The following PTPRD variants were observed in gnomAD, a reference collection of about 807,000 sequenced individuals.
PTPRD encodes the protein receptor-type tyrosine-protein phosphatase delta.
Under a neutral mutation model 214.5 loss-of-function variants are expected in PTPRD, and 34 were observed. The observed-to-expected ratio is 0.16, with a 90% CI of 0.12 to 0.21. The LOEUF (loss-of-function observed/expected upper bound fraction) is 0.21, where lower values mean the gene tolerates loss of function less well. PTPRD is among the 10% of genes least tolerant of loss of function. PTPRD has a pLI of 1.00. For synonymous variants in PTPRD, 1,128 were observed against 845.7 expected (o/e 1.33, Z -5.79); for missense variants, 2,545 against 2,398.7 (o/e 1.06, Z -1.27).
chr9:9,879,553 G>T (rs943538954), intron 5 of PTPRD, among the ~76,000 whole-genome samples: 2 of 152,194 alleles, frequency 1.3e-5, no homozygotes, highest in Admixed American at 1.3e-4. Context: ...ATTGAAGCTT[G>T]CAAGTATTTG....
At chr9:10,144,732 T>A (rs2154270337) in intron 3 of PTPRD, among the ~76,000 whole-genome samples, 1 of 152,220 alleles carries the variant, frequency 6.6e-6, no homozygotes, top group South Asian at 2.1e-4. Context: ...CTAAGGAGCC[T>A]CTATATGGCT....
intron 10 of PTPRD, among the ~76,000 whole-genome samples, chr9:9,140,724 G>A (rs551959282): frequency 3.9e-5 from 6 of 152,178 alleles, no homozygotes; most frequent in Admixed American, 2.0e-4. Flanking sequence ...GACTACAGGT[G>A]CCCGCCACCA....
chr9:10,569,103 G>A (rs893081920), intron 2 of PTPRD, among the ~76,000 whole-genome samples: 1 of 152,020 alleles, frequency 6.6e-6, no homozygotes, highest in African/African-American at 2.4e-5. Flanking sequence ...ATCAAAAAAT[G>A]GGCGAAGGAT....
At chr9:9,485,477 A>C (rs1569568717) in intron 8 of PTPRD, among the ~76,000 whole-genome samples, 1 of 152,104 alleles carries the variant, frequency 6.6e-6, no homozygotes, top group African/African-American at 2.4e-5. Context: ...CTCATTTTCA[A>C]TCTTTCTTCT....
rs555526443 is a variant in PTPRD, at chr9:9,325,221, C to T, written c.-203+72228G>A. On this transcript the variant is annotated intron_variant, in intron 9 of 45. Transcript: ENST00000381196. The stretch of plus-strand genomic sequence containing the variant: ...AACTTTAAAGTAGTTTTCTCCAATT[C>T]TGTGAAGAAAGTCCTTGGTAGCTTG... Among the ~76,000 whole-genome samples the T allele has an allele frequency of 1.5e-3, 230 of 152,286 alleles. 1 individual carries two copies. Among genetic ancestry groups the T allele is most frequent in the African/African-American group, 5.2e-3 (218 of 41,576 alleles).
chr9:9,647,321 T>A (rs573579271), intron 7 of PTPRD, among the ~76,000 whole-genome samples: 1 of 152,330 alleles, frequency 6.6e-6, no homozygotes, highest in East Asian at 1.9e-4. Context: ...ATCTAAATAA[T>A]TTTGTATCTG....
chr9:9,283,437 C>G lies in PTPRD; in HGVS notation c.-202-100074G>C, dbSNP rs544493831. ...CTTTACAGGTTCAATTATATCTTCTCATTTCTTTTCTCTTTCAGGCACAGC... is the reference window on the plus strand; with the variant it reads ...CTTTACAGGTTCAATTATATCTTCTGATTTCTTTTCTCTTTCAGGCACAGC... On this transcript the variant is annotated intron_variant, in intron 9 of 45. Coordinates refer to ENST00000381196, the MANE Select transcript of PTPRD (RefSeq NM_002839.4). Among the ~76,000 whole-genome samples, 18 of 150,940 alleles carry G rather than the reference C, an allele frequency of 1.2e-4. 1 individual carries two copies. Among genetic ancestry groups the G allele is most frequent in the African/African-American group, 4.4e-4 (18 of 41,230 alleles).
intron 5 of PTPRD, among the ~76,000 whole-genome samples, chr9:9,844,636 G>C (rs1017036219): frequency 9.2e-5 from 14 of 151,822 alleles, no homozygotes; most frequent in Admixed American, 9.2e-4. Context: ...TCATAACTAC[G>C]ACAAATTACA....
chr9:9,715,139 T>G (rs1424036494), intron 7 of PTPRD, among the ~76,000 whole-genome samples: 1 of 152,196 alleles, frequency 6.6e-6, no homozygotes, highest in Non-Finnish European at 1.5e-5. Context: ...TTTATGTCAC[T>G]GGACTTCACA....
At chr9:8,407,767 C>T (rs1472772811) in intron 35 of PTPRD, among the ~76,000 whole-genome samples, 1 of 152,256 alleles carries the variant, frequency 6.6e-6, no homozygotes, top group Non-Finnish European at 1.5e-5. Flanking sequence ...ATCAAACAAA[C>T]ATTGATTAAA....
intron 2 of PTPRD, among the ~76,000 whole-genome samples, chr9:10,501,069 T>A (rs2043539578): frequency 6.6e-6 from 1 of 152,006 alleles, no homozygotes; most frequent in African/African-American, 2.4e-5. Context: ...GTGGGGTTGC[T>A]GTATCTTATG....
chr9:10,330,700 T>C (rs1429387931), intron 3 of PTPRD, among the ~76,000 whole-genome samples: 1 of 151,806 alleles, frequency 6.6e-6, no homozygotes, highest in African/African-American at 2.4e-5. Context: ...GTGGTAGTAA[T>C]GTTTACTCTC....
chr9:9,684,356 G>T (rs1466116957), intron 7 of PTPRD, among the ~76,000 whole-genome samples: 1 of 151,380 alleles, frequency 6.6e-6, no homozygotes, highest in Non-Finnish European at 1.5e-5. Context: ...ATCAATGTTG[G>T]GTGCATTTTC....
intron 39 of PTPRD, among the ~76,000 whole-genome samples, chr9:8,346,383 A>T (rs142537409): frequency 6.6e-6 from 1 of 152,156 alleles, no homozygotes; most frequent in East Asian, 1.9e-4. Flanking sequence ...TGAAAACATC[A>T]TATAGAGTAG....
intron 33 of PTPRD, among the ~76,000 whole-genome samples, chr9:8,455,472 T>G (rs1027384726): frequency 2.0e-5 from 3 of 152,214 alleles, no homozygotes; most frequent in Non-Finnish European, 4.4e-5. Flanking sequence ...ATCTTCACTT[T>G]GAGGCAAATT....
intron 9 of PTPRD, among the ~76,000 whole-genome samples, chr9:9,327,896 T>C (rs987683912): frequency 8.1e-6 from 1 of 123,506 alleles, no homozygotes; most frequent in Non-Finnish European, 1.7e-5. Context: ...TAACGATAGT[T>C]GATGAGCTAA....
chr9:10,425,959 A>G (rs1318979763), intron 2 of PTPRD, among the ~76,000 whole-genome samples: 5 of 151,982 alleles, frequency 3.3e-5, no homozygotes, highest in Admixed American at 1.3e-4. Context: ...AAGAATATAT[A>G]CATATACACA....
chr9:9,301,787 G>T (rs1408698053), intron 9 of PTPRD, among the ~76,000 whole-genome samples: 1 of 151,822 alleles, frequency 6.6e-6, no homozygotes, highest in Non-Finnish European at 1.5e-5. Context: ...TTGCTGTAAT[G>T]GGTCCTAAAA....
At chr9:9,153,111 C>T (rs2099878289) in intron 10 of PTPRD, among the ~76,000 whole-genome samples, 1 of 152,192 alleles carries the variant, frequency 6.6e-6, no homozygotes, top group Non-Finnish European at 1.5e-5. Context: ...CACTGACCCT[C>T]CTCCTGTGCG....
Sources: gnomAD v4.1 joint callset for allele counts (sites outside exome capture counted in the v4.1 genomes callset) on GRCh38, gnomAD v4.1.1 for gene constraint, MANE v1.5 for transcripts, NCBI Gene and HGNC (gene_info 2026-07-23, HGNC 2026-07-21) for gene names.